Variants in MCTP1 observed in about 807,000 individuals in gnomAD.
MCTP1 encodes the protein multiple C2 and transmembrane domain-containing protein 1.
In MCTP1, 69 loss-of-function variants were observed where a neutral mutation model predicts 120.6. That is an observed-to-expected ratio of 0.57 (90% CI 0.47 to 0.70). MCTP1 has a LOEUF of 0.70. MCTP1 is among the 30% of genes least tolerant of loss of function. The probability of loss-of-function intolerance (pLI) is 0.00; values close to 1 mark genes in which losing one functional copy is unlikely to be tolerated. For missense variants in MCTP1, 1,203 were observed against 1,248.8 expected (o/e 0.96, Z 0.55); for synonymous variants, 529 against 493.1 (o/e 1.07, Z -0.96).
In MCTP1 at chr5:95,017,467, A is replaced by G; in HGVS notation, c.738T>C (p.Ala246=). The G allele has an allele frequency of 3.1e-6, 5 of 1,598,236 alleles. No individual in the cohort carries two copies. The highest frequency in any genetic ancestry group is 4.3e-6 in the Non-Finnish European group (5 of 1,171,944). Residue 246 remains alanine (A), a synonymous_variant, in exon 2 of 23, where the codon GCT becomes GCC. Coordinates refer to ENST00000515393, the MANE Select transcript of MCTP1 (RefSeq NM_024717.7). ...HGSSQKIINT[A]GTSNAEVPLA... is the part of the protein sequence containing the mutation. The stretch of plus-strand genomic sequence containing the variant: ...AGGGGACTTCTGCATTACTGGTTCC[A>G]GCAGTGTTTATTATTTTCTGGAAAA...
intron 1 of MCTP1, among the ~76,000 whole-genome samples, chr5:95,176,173 T>C (rs1396209017): frequency 6.6e-6 from 1 of 152,216 alleles, no homozygotes; most frequent in Non-Finnish European, 1.5e-5. Context: ...TGTATTTTTT[T>C]TTAACAAATA....
chr5:94,992,161 C>T (rs1267701647), intron 2 of MCTP1, among the ~76,000 whole-genome samples: 1 of 152,058 alleles, frequency 6.6e-6, no homozygotes, highest in Non-Finnish European at 1.5e-5. Context: ...GTGCCAGAGC[C>T]CATTGGAATA....
At chr5:94,917,187 T>C (rs1810299333) in intron 8 of MCTP1, among the ~76,000 whole-genome samples, 1 of 152,196 alleles carries the variant, frequency 6.6e-6, no homozygotes, top group South Asian at 2.1e-4. Flanking sequence ...AAATCACTTA[T>C]TGAGCACCTA....
chr5:94,878,614 T>C (rs988843686), intron 12 of MCTP1, among the ~76,000 whole-genome samples: 1 of 152,064 alleles, frequency 6.6e-6, no homozygotes, highest in Non-Finnish European at 1.5e-5. Flanking sequence ...AACTGTATTA[T>C]AAAGGAGGAC....
At chr5:94,967,058 G>T (rs1194463791) in intron 2 of MCTP1, among the ~76,000 whole-genome samples, 1 of 152,122 alleles carries the variant, frequency 6.6e-6, no homozygotes, top group Non-Finnish European at 1.5e-5. Flanking sequence ...ATTTAGTTTG[G>T]CTATTATGTA....
intron 19 of MCTP1, chr5:94,739,505 A>G (rs182974406): frequency 2.6e-5 from 4 of 152,332 alleles, no homozygotes; most frequent in Admixed American, 2.0e-4. Context: ...ATGGCATTCG[A>G]ATAAGAAGAT....
At chr5:95,204,574 G>A (rs1181221241) in intron 1 of MCTP1, among the ~76,000 whole-genome samples, 1 of 152,086 alleles carries the variant, frequency 6.6e-6, no homozygotes, top group African/African-American at 2.4e-5. Context: ...TGGAAAGGAA[G>A]AAATAAAGTT....
chr5:94,786,653 T>C (rs930039470), intron 18 of MCTP1, among the ~76,000 whole-genome samples: 2 of 152,230 alleles, frequency 1.3e-5, no homozygotes, highest in African/African-American at 4.8e-5. Context: ...ACTTATCATT[T>C]CTGCTTTATG....
intron 1 of MCTP1, among the ~76,000 whole-genome samples, chr5:95,270,670 C>T (rs1447846871): frequency 6.6e-6 from 1 of 152,124 alleles, no homozygotes; most frequent in Non-Finnish European, 1.5e-5. Context: ...TGACTCATGC[C>T]TGTAATCCCA....
chr5:94,708,445 T>G, intron 22 of MCTP1, 67 bp downstream of exon 22: 1 of 953,268 alleles, frequency 1.0e-6, no homozygotes, highest in South Asian at 1.5e-5. Flanking sequence ...TAGAAGGATA[T>G]AAAAGCTAAA....
At chr5:95,054,524 C>T (rs1254263440) in intron 1 of MCTP1, among the ~76,000 whole-genome samples, 2 of 152,172 alleles carry the variant, frequency 1.3e-5, no homozygotes, top group Non-Finnish European at 2.9e-5. Flanking sequence ...AATCAAGATG[C>T]TAGAACCCAC....
intron 1 of MCTP1, among the ~76,000 whole-genome samples, chr5:95,155,647 C>G (rs1745035798): frequency 6.6e-6 from 1 of 151,968 alleles, no homozygotes; most frequent in African/African-American, 2.4e-5. Context: ...ATATAGCAAC[C>G]TATACACAAG....
At chr5:94,789,396 C>T (rs1475468052) in intron 18 of MCTP1, 1 of 152,182 alleles carries the variant, frequency 6.6e-6, no homozygotes, top group Non-Finnish European at 1.5e-5. Context: ...TCCTTTACAT[C>T]TTTCTCTATT....
At chr5:95,206,230 T>C (rs1407932943) in intron 1 of MCTP1, among the ~76,000 whole-genome samples, 1 of 152,212 alleles carries the variant, frequency 6.6e-6, no homozygotes, top group African/African-American at 2.4e-5. Context: ...ATAACATAGA[T>C]GAACCCTGAA....
intron 1 of MCTP1, among the ~76,000 whole-genome samples, chr5:95,131,594 T>C (rs955877732): frequency 6.6e-6 from 1 of 152,240 alleles, no homozygotes; most frequent in African/African-American, 2.4e-5. Flanking sequence ...CTGATCTATT[T>C]TTTTTTCTTT....
intron 1 of MCTP1, among the ~76,000 whole-genome samples, chr5:95,271,373 C>T (rs1171335176): frequency 2.0e-5 from 3 of 152,110 alleles, no homozygotes; most frequent in Admixed American, 1.3e-4. Flanking sequence ...TATTCACCAG[C>T]TCTCATTTTG....
intron 19 of MCTP1, among the ~76,000 whole-genome samples, chr5:94,775,287 G>A (rs576879637): frequency 3.9e-5 from 6 of 152,002 alleles, no homozygotes; most frequent in Non-Finnish European, 7.4e-5. Context: ...TCCTGATATC[G>A]CAGCTGGATC....
intron 2 of MCTP1, among the ~76,000 whole-genome samples, chr5:94,997,113 C>A (rs1255441040): frequency 6.6e-6 from 1 of 152,042 alleles, no homozygotes; most frequent in Admixed American, 6.6e-5. Flanking sequence ...ATGGGAAGTA[C>A]AGAAAGTTCC....
Position 94,787,540 on chromosome 5 carries a change from T to C in MCTP1, c.2557-8377A>G, listed in dbSNP as rs368079339. Among the ~76,000 whole-genome samples, 43 of 152,146 alleles carry C rather than the reference T, an allele frequency of 2.8e-4. 1 individual carries two copies. The East Asian group carries it at 8.3e-3, about 29-fold the overall frequency. ...CTTCAAGAGAGATAGTGACATATAA[T>C]GTCTAAGCCCCCACTTGCTTGCTGT... On this transcript the variant is annotated intron_variant, in intron 18 of 22. Transcript: ENST00000515393.
Sources: gnomAD v4.1 joint callset for allele counts (sites outside exome capture counted in the v4.1 genomes callset) on GRCh38, gnomAD v4.1.1 for gene constraint, MANE v1.5 for transcripts, NCBI Gene and HGNC (gene_info 2026-07-23, HGNC 2026-07-21) for gene names.